Variants in PLEKHA8 observed in about 807,000 individuals in gnomAD.
PLEKHA8 encodes pleckstrin homology domain containing A8.
PLEKHA8 carries 36 observed loss-of-function variants against 68.2 expected under a neutral mutation model. The observed-to-expected ratio is 0.53, with a 90% CI of 0.40 to 0.70. The LOEUF (loss-of-function observed/expected upper bound fraction) is 0.70. Ranked by LOEUF, PLEKHA8 falls within the 30% of genes least tolerant of loss-of-function variation. PLEKHA8 has a pLI of 0.00. For synonymous variants in PLEKHA8, 211 were observed against 216.1 expected (o/e 0.98, Z 0.20); for missense variants, 505 against 615.4 (o/e 0.82, Z 1.90).
intron 1 of PLEKHA8, among the ~76,000 whole-genome samples, chr7:30,031,252 C>T (rs931112134): frequency 1.3e-5 from 2 of 152,106 alleles, no homozygotes; most frequent in Admixed American, 6.6e-5. Flanking sequence ...GTGGTTAGAA[C>T]CATGTTTCAT....
chr7:30,051,436 G>T (rs1348794862), intron 6 of PLEKHA8, among the ~76,000 whole-genome samples: 1 of 151,136 alleles, frequency 6.6e-6, no homozygotes. Flanking sequence ...TTTTCCTGTA[G>T]TTACTATGTA....
intron 13 of PLEKHA8, among the ~76,000 whole-genome samples, chr7:30,119,205 A>G (rs1796655666): frequency 6.6e-6 from 1 of 152,246 alleles, no homozygotes; most frequent in South Asian, 2.1e-4. Flanking sequence ...TAGAAGGAAT[A>G]ATATCTGTAA....
At chr7:30,051,952 G>A (rs1307431300) in intron 6 of PLEKHA8, among the ~76,000 whole-genome samples, 1 of 152,166 alleles carries the variant, frequency 6.6e-6, no homozygotes, top group Non-Finnish European at 1.5e-5. Flanking sequence ...CAGCCTGGGT[G>A]ACAGAGCGAG....
intron 7 of PLEKHA8, among the ~76,000 whole-genome samples, chr7:30,053,723 T>C (rs979126897): frequency 5.3e-5 from 8 of 152,222 alleles, no homozygotes; most frequent in African/African-American, 1.9e-4. Context: ...GACCTATTGA[T>C]AGGGATGTTC....
In PLEKHA8 at chr7:30,056,284, C is replaced by CTT. The variant is rs1263692711; in HGVS notation, c.1039+943_1039+944insTT. Among the ~76,000 whole-genome samples the CTT allele has an allele frequency of 2.6e-3, 172 of 65,644 alleles. 1 individual carries two copies. Among genetic ancestry groups the CTT allele is most frequent in the Non-Finnish European group, 4.8e-3 (153 of 31,694 alleles). 43.1% of individuals were successfully genotyped at this position (65,644 alleles called of 152,430 possible). A position where few individuals can be genotyped will look rare whatever the true frequency, so the allele number is the denominator to read the frequency against. On this transcript the variant is annotated intron_variant, in intron 9 of 13. Transcript: ENST00000449726. ...AAAGATTTTTAAAGATATATTCTCT[C>CTT]TCTCTCTCTCTCTCTCTCTCTCTCT...
intron 13 of PLEKHA8, among the ~76,000 whole-genome samples, chr7:30,115,632 A>T (rs555642672): frequency 3.3e-5 from 5 of 151,646 alleles, no homozygotes; most frequent in African/African-American, 9.7e-5. Context: ...ATACATGTAC[A>T]CATACATGCA....
At position 30,083,026 on chromosome 7, in the gene PLEKHA8, CT is replaced by C; in HGVS notation, c.*4246del. 1.0e-6 allele frequency: 1 copy of C among 984,076 alleles called. No homozygotes were observed. Among genetic ancestry groups the C allele is most frequent in the African/African-American group, 1.7e-5 (1 of 57,262 alleles). 61.0% of individuals were successfully genotyped at this position (984,076 alleles called of 1,614,324 possible). A position where few individuals can be genotyped will look rare whatever the true frequency, so the allele number is the denominator to read the frequency against. On this transcript the variant is annotated 3_prime_UTR_variant, in exon 14 of 14. Coordinates refer to ENST00000449726, the MANE Select transcript of PLEKHA8 (RefSeq NM_001197026.2). ...TTCAGCTCTCCCTCATGTTTCATTTCTTTTTTTAAGATAATCTATCAACCTT... is the reference window on the plus strand; with the variant it reads ...TTCAGCTCTCCCTCATGTTTCATTTCTTTTTTAAGATAATCTATCAACCTT...
chr7:30,039,280 C>T (rs111866646), intron 1 of PLEKHA8, among the ~76,000 whole-genome samples: 22,323 of 152,026 alleles, frequency 0.15, 1,680 homozygotes, highest in Middle Eastern at 0.19. Context: ...TTTGGAAGGC[C>T]GAGGTGGGTG....
In PLEKHA8 at chr7:30,082,128, C is replaced by T; in HGVS notation, c.*3341C>T. ...AAGACATTGACTTCGAAGGGTAGTT[C>T]TCATTAGGATGTATAAGTAGTGGCT... is the stretch of plus-strand genomic sequence containing the variant. On this transcript the variant is annotated 3_prime_UTR_variant, in exon 14 of 14. Coordinates refer to ENST00000449726, the MANE Select transcript of PLEKHA8 (RefSeq NM_001197026.2). The T allele has an allele frequency of 1.0e-6, 1 of 985,348 alleles. No homozygotes were observed. Among genetic ancestry groups the T allele is most frequent in the Non-Finnish European group, 1.2e-6 (1 of 829,918 alleles). The allele number at this position is 985,348 out of a possible 1,614,324, so 61.0% of individuals were successfully genotyped here. A position where few individuals can be genotyped will look rare whatever the true frequency, so the allele number is the denominator to read the frequency against.
chr7:30,112,220 G>A (rs1026286922), intron 13 of PLEKHA8, among the ~76,000 whole-genome samples: 1 of 151,916 alleles, frequency 6.6e-6, no homozygotes, highest in South Asian at 2.1e-4. Flanking sequence ...AGAAAGAGAT[G>A]GAAAAAATGA....
At chr7:30,035,931 C>T (rs957012596) in intron 1 of PLEKHA8, among the ~76,000 whole-genome samples, 5 of 151,994 alleles carry the variant, frequency 3.3e-5, no homozygotes, top group African/African-American at 1.2e-4. Flanking sequence ...CAGGCATGAG[C>T]CACCTCGCCC....
intron 13 of PLEKHA8, among the ~76,000 whole-genome samples, chr7:30,118,725 C>A (rs1049701130): frequency 2.6e-5 from 4 of 152,138 alleles, no homozygotes; most frequent in African/African-American, 9.7e-5. Context: ...CTACAGGCGC[C>A]CGCCGCCACG....
downstream of PLEKHA8, among the ~76,000 whole-genome samples, chr7:30,085,683 C>G (rs1795154282): frequency 6.6e-6 from 1 of 152,206 alleles, no homozygotes; most frequent in African/African-American, 2.4e-5. Flanking sequence ...CTCCAGCCAC[C>G]TCTTTAAACA....
chr7:30,083,574 C>G lies in PLEKHA8; in HGVS notation c.*4787C>G. 1 of 985,392 alleles carries G rather than the reference C, an allele frequency of 1.0e-6. No individual in the cohort carries two copies. Among genetic ancestry groups the G allele is most frequent in the African/African-American group, 1.7e-5 (1 of 57,334 alleles). 61.0% of individuals were successfully genotyped at this position (985,392 alleles called of 1,614,324 possible). On this transcript the variant is annotated 3_prime_UTR_variant, in exon 14 of 14. Transcript: ENST00000449726. The stretch of plus-strand genomic sequence containing the variant: ...GATTAAACAGTCATTAACAGTGCCT[C>G]TCTGGTACAGTTGATGCATGCATTG...
chr7:30,064,147 A>T (rs141925017), intron 12 of PLEKHA8, among the ~76,000 whole-genome samples: 171 of 152,336 alleles, frequency 1.1e-3, no homozygotes, highest in African/African-American at 3.9e-3. Flanking sequence ...AACCTCTCTG[A>T]TCCTCACTTT....
At chr7:30,058,636 C>A (rs1445340127) in intron 9 of PLEKHA8, among the ~76,000 whole-genome samples, 1 of 152,142 alleles carries the variant, frequency 6.6e-6, no homozygotes, top group East Asian at 1.9e-4. Flanking sequence ...TTCCAATGAT[C>A]TTATGGTGTC....
At position 30,083,290 on chromosome 7, in the gene PLEKHA8, C is replaced by T. The variant is rs969837191; in HGVS notation, c.*4503C>T. Reference sequence around the variant, plus strand: ...TACTTCTGTATGTCCCTTTGTAATCCGCAGTTGCTTACTCAGGGGTTTCAT... The same window carrying T: ...TACTTCTGTATGTCCCTTTGTAATCTGCAGTTGCTTACTCAGGGGTTTCAT... On this transcript the variant is annotated 3_prime_UTR_variant, in exon 14 of 14. Coordinates refer to ENST00000449726, the MANE Select transcript of PLEKHA8 (RefSeq NM_001197026.2). 101 of 984,226 alleles carry T rather than the reference C, an allele frequency of 1.0e-4. No individual in the cohort carries two copies. The highest frequency in any genetic ancestry group is 4.0e-4 in the African/African-American group (23 of 57,166). 61.0% of individuals were successfully genotyped at this position (984,226 alleles called of 1,614,324 possible).
At position 30,079,045 on chromosome 7, in the gene PLEKHA8, TATAA is replaced by T; in HGVS notation, c.*259_*262del. On this transcript the variant is annotated 3_prime_UTR_variant, in exon 14 of 14. Transcript: ENST00000449726. ...GCTGCTGTAGACTTGAACAGCAAGT[TATAA>T]GAGCAGATTTAACAAACAAATTTGC... is the stretch of plus-strand genomic sequence containing the variant. 8.1e-7 allele frequency: 1 copy of T among 1,229,262 alleles called. No individual in the cohort carries two copies. The highest frequency in any genetic ancestry group is 1.0e-6 in the Non-Finnish European group (1 of 983,120). 76.1% of individuals were successfully genotyped at this position (1,229,262 alleles called of 1,614,324 possible).
chr7:30,049,249 T>C lies in PLEKHA8; in HGVS notation c.464T>C (p.Leu155Pro), dbSNP rs570985935. ...GAGGGAATTGATGTGGGAACTTTGC[T>C]GAAATCAACCTGTAATACTTTTCTG... ...SEEGIDVGTL[L>P]KSTCNTFLKT... Residue 155 changes from leucine to proline, a missense_variant, in exon 5 of 14, where the codon CTG (leucine) becomes CCG (proline). By Grantham distance (98) the Leu-to-Pro change is moderately conservative (BLOSUM62 -3). Coordinates refer to ENST00000449726, the MANE Select transcript of PLEKHA8 (RefSeq NM_001197026.2). The C allele has an allele frequency of 1.2e-6, 2 of 1,613,974 alleles. No individual in the cohort carries two copies. The highest frequency in any genetic ancestry group is 1.1e-5 in the South Asian group (1 of 91,074).
Sources: allele counts gnomAD v4.1 joint callset (sites outside exome capture counted in the v4.1 genomes callset), GRCh38; gene constraint gnomAD v4.1.1; transcripts MANE v1.5; gene names NCBI Gene and HGNC (gene_info 2026-07-23, HGNC 2026-07-21).